The following ROPN1L variants were observed in gnomAD, a reference collection of about 807,000 sequenced individuals.
The protein encoded by ROPN1L is rhophilin associated tail protein 1 like, also known as ropporin-1-like protein.
A neutral mutation model predicts 22.7 loss-of-function variants in ROPN1L; 23 were observed. The observed-to-expected ratio is 1.01, with a 90% confidence interval of 0.73 to 1.43. The LOEUF (loss-of-function observed/expected upper bound fraction) is 1.43, where lower values mean the gene tolerates loss of function less well. ROPN1L is among the 40% of genes most tolerant of loss of function. ROPN1L has a pLI of 0.00. For missense variants in ROPN1L, 271 were observed against 291.5 expected, an observed-to-expected ratio of 0.93 and a Z score of 0.51; for synonymous variants, 116 against 117.8, an observed-to-expected ratio of 0.98 and a Z score of 0.10.
chr5:10,465,242 G>A (rs534918066), downstream of ROPN1L, among the ~76,000 whole-genome samples: 29 of 152,284 alleles, frequency 1.9e-4, no homozygotes, highest in East Asian at 2.5e-3. Context: ...TGGGCCGGGC[G>A]CGTTGGCTCA....
the ROPN1L span, among the ~76,000 whole-genome samples, chr5:10,477,568 T>C: frequency 2.0e-5 from 3 of 152,122 alleles, no homozygotes; most frequent in African/African-American, 4.8e-5. Flanking sequence ...AGGAGCAAGA[T>C]GACAGGAGGG....
chr5:10,450,322 G>A (rs1741214051), intron 3 of ROPN1L, among the ~76,000 whole-genome samples: 2 of 152,200 alleles, frequency 1.3e-5, no homozygotes, highest in East Asian at 1.9e-4. Context: ...CAATTTAAAA[G>A]TTAATAGTAG....
chr5:10,461,159 C>T, intron 3 of ROPN1L, 25 bp from the exon 4 acceptor site: 5 of 1,596,286 alleles, frequency 3.1e-6, no homozygotes, highest in South Asian at 1.1e-5. Flanking sequence ...CTGTTTTTCT[C>T]CCCACCTGGC....
At chr5:10,465,817 A>G (rs2245638), downstream of ROPN1L, among the ~76,000 whole-genome samples, 29,513 of 152,128 alleles carry the variant, frequency 0.19, 4,073 homozygotes, top group East Asian at 0.66. Flanking sequence ...GCGCCACTGC[A>G]CTAGAGCGAG....
chr5:10,475,817 C>G, downstream of ROPN1L, among the ~76,000 whole-genome samples: 1 of 152,126 alleles, frequency 6.6e-6, no homozygotes, highest in East Asian at 1.9e-4. Flanking sequence ...GCTGCAGTAA[C>G]AAAGTAACAA....
intron 1 of ROPN1L, among the ~76,000 whole-genome samples, chr5:10,443,763 T>G (rs1284727962): frequency 6.6e-6 from 1 of 152,194 alleles, no homozygotes; most frequent in African/African-American, 2.4e-5. Flanking sequence ...CCCAGCTCGT[T>G]TCCTTGCCTT....
At chr5:10,448,652 T>A (rs1014019659) in intron 2 of ROPN1L, among the ~76,000 whole-genome samples, 11 of 152,234 alleles carry the variant, frequency 7.2e-5, no homozygotes, top group Non-Finnish European at 1.6e-4. Flanking sequence ...TTCTTTTAAA[T>A]ACAAAATTTA....
rs1450562119 is a variant in ROPN1L at position 10,453,714 on chromosome 5, A to G, written c.417+3601A>G. Among the ~76,000 whole-genome samples the G allele has an allele frequency of 3.3e-5, 5 of 152,230 alleles. No individual in the cohort carries two copies. In the East Asian group the frequency reaches 9.6e-4, roughly 29 times the overall value. On this transcript the variant is annotated intron_variant, in intron 3 of 4. Transcript: ENST00000274134. ...CTCTCTGTGCTGTTTACATTTATTT[A>G]TCTTAGAAATCACTCTAGTCAAATT...
At chr5:10,456,342 G>T (rs572799621) in intron 3 of ROPN1L, among the ~76,000 whole-genome samples, 1 of 152,284 alleles carries the variant, frequency 6.6e-6, no homozygotes, top group South Asian at 2.1e-4. Flanking sequence ...ACAAAAATTA[G>T]CTGGGCATGG....
intron 1 of ROPN1L, among the ~76,000 whole-genome samples, chr5:10,442,584 A>T (rs1740923014): frequency 1.3e-5 from 2 of 152,274 alleles, no homozygotes; most frequent in South Asian, 4.1e-4. Flanking sequence ...ATAGACTAAA[A>T]CTTAACAAAG....
chr5:10,480,783 G>A, the ROPN1L span, among the ~76,000 whole-genome samples: 6 of 152,170 alleles, frequency 3.9e-5, no homozygotes, highest in African/African-American at 9.7e-5. Context: ...TGATGTCTGA[G>A]AGGATCTGCT....
downstream of ROPN1L, among the ~76,000 whole-genome samples, chr5:10,468,500 CT>C (rs1026721413): frequency 3.3e-5 from 5 of 152,194 alleles, no homozygotes; most frequent in Non-Finnish European, 7.4e-5. Context: ...GCAGTTATTT[CT>C]TGTTAAAATA....
the ROPN1L span, among the ~76,000 whole-genome samples, chr5:10,477,045 G>A: frequency 1.3e-5 from 2 of 152,250 alleles, no homozygotes; most frequent in South Asian, 2.1e-4. Flanking sequence ...TAGCATGAGA[G>A]CAGCCATAGA....
At chr5:10,453,565 C>A (rs183226549) in intron 3 of ROPN1L, among the ~76,000 whole-genome samples, 1 of 152,226 alleles carries the variant, frequency 6.6e-6, no homozygotes, top group Non-Finnish European at 1.5e-5. Flanking sequence ...GGATTACCAC[C>A]TGCAGAAGTT....
chr5:10,451,863 A>G (rs891890671), intron 3 of ROPN1L, among the ~76,000 whole-genome samples: 6 of 152,334 alleles, frequency 3.9e-5, no homozygotes, highest in South Asian at 4.1e-4. Flanking sequence ...CAAGATAGAC[A>G]AAGGCAAATA....
downstream of ROPN1L, among the ~76,000 whole-genome samples, chr5:10,467,012 G>A (rs753505811): frequency 5.9e-5 from 9 of 152,042 alleles, no homozygotes; most frequent in Non-Finnish European, 1.3e-4. Context: ...TTGTTTTAGG[G>A]CCCATGCTAA....
intron 3 of ROPN1L, among the ~76,000 whole-genome samples, chr5:10,458,820 A>G (rs1371167797): frequency 6.7e-4 from 2 of 2,978 alleles, no homozygotes; most frequent in Admixed American, 3.3e-3. Flanking sequence ...ACACCATCTC[A>G]CCCATGTACA....
intron 3 of ROPN1L, among the ~76,000 whole-genome samples, chr5:10,454,763 G>A (rs184804226): frequency 1.9e-4 from 29 of 152,324 alleles, no homozygotes; most frequent in African/African-American, 5.3e-4. Context: ...GGGTTTAACC[G>A]GGTGCGGGAG....
chr5:10,477,927 C>A, the ROPN1L span: 1 of 151,962 alleles, frequency 6.6e-6, no homozygotes, highest in Non-Finnish European at 1.5e-5. Flanking sequence ...GAGATTCTGT[C>A]TAAAAAAAGA....
Sources: gnomAD v4.1 joint callset for allele counts (sites outside exome capture counted in the v4.1 genomes callset) on GRCh38, gnomAD v4.1.1 for gene constraint, MANE v1.5 for transcripts, NCBI Gene and HGNC (gene_info 2026-07-23, HGNC 2026-07-21) for gene names.